ACVR1C: variants seen among roughly 807,000 people sequenced by gnomAD.
ACVR1C encodes activin receptor type-1C.
In ACVR1C, 23 loss-of-function variants were observed where a neutral mutation model predicts 57.9. That is an observed-to-expected ratio of 0.40 (90% CI 0.29 to 0.56). The LOEUF is 0.56. Ranked by LOEUF, ACVR1C falls within the 20% of genes least tolerant of loss-of-function variation. The pLI is 0.50. For missense variants in ACVR1C, 480 were observed against 607.9 expected, an observed-to-expected ratio of 0.79 and a Z score of 2.21; for synonymous variants, 214 against 215.3, an observed-to-expected ratio of 0.99 and a Z score of 0.05.
chr2:157,583,214 T>C (rs1484189023), intron 2 of ACVR1C, among the ~76,000 whole-genome samples: 1 of 152,198 alleles, frequency 6.6e-6, no homozygotes, highest in Non-Finnish European at 1.5e-5. Flanking sequence ...AAGAGGAAAA[T>C]TACTTTTATT....
At chr2:157,545,806 G>A (rs1238031166) in intron 4 of ACVR1C, among the ~76,000 whole-genome samples, 1 of 151,714 alleles carries the variant, frequency 6.6e-6, no homozygotes, top group Non-Finnish European at 1.5e-5. Context: ...ACAGCATGTC[G>A]CTCTGTCGCT....
intron 4 of ACVR1C, among the ~76,000 whole-genome samples, chr2:157,545,093 C>G (rs1573907489): frequency 6.6e-6 from 1 of 152,110 alleles, no homozygotes; most frequent in African/African-American, 2.4e-5. Context: ...ATTCACCTTT[C>G]AAAATATAGA....
At position 157,554,269 on chromosome 2, in the gene ACVR1C, A is replaced by G. The variant is rs1464862911; in HGVS notation, c.544+1824T>C. On this transcript the variant is annotated intron_variant, in intron 3 of 8. Coordinates refer to ENST00000243349, the MANE Select transcript of ACVR1C (RefSeq NM_145259.3). ...AAAGAAAGAAAGAAAGAAAGAAAGA[A>G]AGGAAGGAAGGAAGAGAGAGAGAGA... 2.9e-3 allele frequency among the ~76,000 whole-genome samples: 376 copies of G among 128,942 alleles called. 12 individuals carry two copies. Among genetic ancestry groups the G allele is most frequent in the African/African-American group, 0.012 (356 of 29,432 alleles). The allele number at this position is 128,942 out of a possible 152,430, so 84.6% of individuals were successfully genotyped here.
intron 1 of ACVR1C, among the ~76,000 whole-genome samples, chr2:157,592,965 A>G (rs528814910): frequency 6.6e-6 from 1 of 152,200 alleles, no homozygotes; most frequent in South Asian, 2.1e-4. Flanking sequence ...ACAATTACCC[A>G]TAATAAGGAG....
rs113540609 is a variant in ACVR1C at position 157,610,770 on chromosome 2, T to C, written c.73+17802A>G. Among the ~76,000 whole-genome samples, 698 of 152,238 alleles carry C rather than the reference T, an allele frequency of 4.6e-3. 7 individuals carry two copies. The highest frequency in any genetic ancestry group is 0.016 in the African/African-American group (663 of 41,568). ...TTTGTTTTTGTCTGACCAGACTTTT[T>C]TGAAAGACGTGTCTTCAAGTTCTGA... On this transcript the variant is annotated intron_variant, in intron 1 of 8. Transcript: ENST00000243349.
intron 3 of ACVR1C, among the ~76,000 whole-genome samples, chr2:157,551,830 C>A (rs929249774): frequency 6.6e-6 from 1 of 152,170 alleles, no homozygotes; most frequent in Non-Finnish European, 1.5e-5. Flanking sequence ...AGTCACTGTT[C>A]ATTCACATGT....
In ACVR1C at chr2:157,596,443, C is replaced by T. The variant is rs993020598; in HGVS notation, c.74-9026G>A. 1.3e-5 allele frequency among the ~76,000 whole-genome samples: 2 copies of T among 152,150 alleles called. 1 individual carries two copies. The highest frequency in any genetic ancestry group is 6.3e-3 in the Middle Eastern group (2 of 316). On this transcript the variant is annotated intron_variant, in intron 1 of 8. Coordinates refer to ENST00000243349, the MANE Select transcript of ACVR1C (RefSeq NM_145259.3). ...TCCTAATCCCATAACCCCCGAACCA[C>T]TAATGTATACAACTTCTCCAAATAT...
intron 2 of ACVR1C, among the ~76,000 whole-genome samples, chr2:157,586,338 A>C (rs1573938095): frequency 6.6e-6 from 1 of 152,092 alleles, no homozygotes; most frequent in East Asian, 1.9e-4. Flanking sequence ...TGATATGATG[A>C]CATATGAACA....
chr2:157,588,042 C>T (rs1427480327), intron 1 of ACVR1C, among the ~76,000 whole-genome samples: 1 of 151,940 alleles, frequency 6.6e-6, no homozygotes, highest in Non-Finnish European at 1.5e-5. Context: ...CACTAAAGAA[C>T]GTATACTAGA....
intron 3 of ACVR1C, among the ~76,000 whole-genome samples, chr2:157,555,635 T>A (rs1349200798): frequency 6.6e-6 from 1 of 152,042 alleles, no homozygotes; most frequent in Non-Finnish European, 1.5e-5. Context: ...ATTCTGAAAA[T>A]CCTCATACCC....
intron 2 of ACVR1C, among the ~76,000 whole-genome samples, chr2:157,559,560 CT>C (rs1205368365): frequency 6.6e-6 from 1 of 152,128 alleles, no homozygotes; most frequent in Non-Finnish European, 1.5e-5. Flanking sequence ...CAGGAAAGCT[CT>C]TATTATTTGA....
intron 1 of ACVR1C, chr2:157,597,317 A>C: frequency 1.0e-6 from 1 of 983,814 alleles, no homozygotes; most frequent in Non-Finnish European, 1.2e-6. Flanking sequence ...CACCCCAAAA[A>C]GGACCTTGGC....
At chr2:157,554,723 T>C (rs1450837316) in intron 3 of ACVR1C, among the ~76,000 whole-genome samples, 1 of 152,226 alleles carries the variant, frequency 6.6e-6, no homozygotes, top group African/African-American at 2.4e-5. Context: ...CTCTGTTGCC[T>C]ACCTCTGTTA....
chr2:157,591,550 A>G (rs1469421717), intron 1 of ACVR1C, among the ~76,000 whole-genome samples: 2 of 152,050 alleles, frequency 1.3e-5, no homozygotes, highest in African/African-American at 4.8e-5. Context: ...TTGCTGCACT[A>G]TGGTTATTCT....
chr2:157,587,063 C>A (rs1260416128), intron 2 of ACVR1C, 124 bp downstream of exon 2: 7 of 926,798 alleles, frequency 7.6e-6, no homozygotes, highest in Non-Finnish European at 1.1e-5. Flanking sequence ...CAGCCAAAAT[C>A]AAAAAGAGAA....
chr2:157,616,078 A>G (rs1374775462), intron 1 of ACVR1C, among the ~76,000 whole-genome samples: 1 of 151,972 alleles, frequency 6.6e-6, no homozygotes, highest in African/African-American at 2.4e-5. Flanking sequence ...GAAATTATTA[A>G]CCAATATCTC....
intron 1 of ACVR1C, among the ~76,000 whole-genome samples, chr2:157,592,275 C>A (rs1689066648): frequency 1.3e-5 from 2 of 152,212 alleles, no homozygotes; most frequent in South Asian, 4.1e-4. Context: ...TGAAGCACTA[C>A]TGGCTCCTTA....
chr2:157,587,215 G>A lies in ACVR1C; in HGVS notation c.276C>T (p.Cys92=), dbSNP rs144436822. 2.5e-6 allele frequency: 4 copies of A among 1,613,444 alleles called. No homozygotes were observed. The East Asian group carries it at 8.9e-5, about 36-fold the overall frequency. The change falls in exon 2 of 9, where the codon TGC becomes TGT. Residue 92 remains cysteine (C), a synonymous_variant. Coordinates refer to ENST00000243349, the MANE Select transcript of ACVR1C (RefSeq NM_145259.3). ...TKTECCFTDF[C]NNITLHLPTA... is the part of the protein sequence containing the mutation. ...TTGGAAGGTGCAGTGTTATGTTGTT[G>A]CAAAAATCTGTGAAGCAGCATTCGG...
chr2:157,550,708 G>A (rs1390178568), intron 3 of ACVR1C, among the ~76,000 whole-genome samples: 2 of 149,466 alleles, frequency 1.3e-5, no homozygotes, highest in East Asian at 3.9e-4. Context: ...AAGCCAGTCA[G>A]GTTACTAAGT....
Sources: allele counts gnomAD v4.1 joint callset (sites outside exome capture counted in the v4.1 genomes callset), GRCh38; gene constraint gnomAD v4.1.1; transcripts MANE v1.5; gene names NCBI Gene and HGNC (gene_info 2026-07-23, HGNC 2026-07-21).